Variants in RGSL1 observed in about 807,000 individuals in gnomAD.
The protein encoded by RGSL1 is regulator of G protein signaling protein-like.
In RGSL1, 97 loss-of-function variants were observed where a neutral mutation model predicts 124.7. The ratio of observed to expected loss-of-function variants is 0.78; its 90% CI spans 0.66 to 0.92. The LOEUF (loss-of-function observed/expected upper bound fraction) is 0.92. RGSL1 is among the 40% of genes least tolerant of loss of function. The pLI is 0.00. For synonymous variants in RGSL1, 424 were observed against 438.1 expected, an observed-to-expected ratio of 0.97 and a Z score of 0.40; for missense variants, 1,233 against 1,288.4, an observed-to-expected ratio of 0.96 and a Z score of 0.66.
Position 182,540,351 on chromosome 1 carries a change from A to G in RGSL1, c.2599A>G (p.Ile867Val), listed in dbSNP as rs1016585219. 5 of 1,551,272 alleles carry G rather than the reference A, an allele frequency of 3.2e-6. No individual in the cohort carries two copies. The highest frequency in any genetic ancestry group is 1.4e-5 in the African/African-American group (1 of 73,006). Residue 867 changes from isoleucine (I) to valine (V), a missense_variant, in exon 15 of 22, where the codon ATA (isoleucine) becomes GTA (valine). Transcript: ENST00000294854. Reference protein sequence around the residue: ...NGEITLVKRRIFGHRIITVNF... With the variant: ...NGEITLVKRRVFGHRIITVNF... ...AGAAATAACCCTTGTAAAGCGTCGT[A>G]TATTTGGCCACAGGATTATCACTGT...
chr1:182,474,040 A>G lies in RGSL1; in HGVS notation c.929A>G (p.Lys310Arg), dbSNP rs1469257784. The G allele has an allele frequency of 6.4e-7, 1 of 1,551,702 alleles. No homozygotes were observed. Among genetic ancestry groups the G allele is most frequent in the Non-Finnish European group, 8.7e-7 (1 of 1,147,024 alleles). The part of the protein sequence containing the change: ...SKETRISSLE[K>R]DMHYAKISSM... ...GAAACAAGAATCAGTTCCCTGGAAA[A>G]GGATATGCATTATGCAAAAATATCC... Residue 310 changes from lysine to arginine, a missense_variant, in exon 6 of 22, where the codon AAG (lysine) becomes AGG (arginine). Physicochemically the swap from Lys to Arg is conservative, Grantham distance 26. Transcript: ENST00000294854.
Position 182,545,808 on chromosome 1 carries a change from T to C in RGSL1, c.2670-2509T>C, listed in dbSNP as rs115088026. Among the ~76,000 whole-genome samples the C allele has an allele frequency of 2.8e-3, 421 of 152,288 alleles. 5 individuals carry two copies. Among genetic ancestry groups the C allele is most frequent in the African/African-American group, 9.6e-3 (400 of 41,570 alleles). ...GTTGCCAGGTGAATTGGAGCTTCTTTATATGTTATTTTCTTCTTTTTCTGC... is the reference window on the plus strand; with the variant it reads ...GTTGCCAGGTGAATTGGAGCTTCTTCATATGTTATTTTCTTCTTTTTCTGC... On this transcript the variant is annotated intron_variant, in intron 15 of 21. Coordinates refer to ENST00000294854, the MANE Select transcript of RGSL1 (RefSeq NM_001137669.2).
chr1:182,536,053 G>A (rs937553819), intron 14 of RGSL1, among the ~76,000 whole-genome samples: 20 of 152,152 alleles, frequency 1.3e-4, no homozygotes, highest in Non-Finnish European at 2.6e-4. Context: ...ATGCATGCAT[G>A]CAATAGTCTT....
intron 15 of RGSL1, among the ~76,000 whole-genome samples, chr1:182,546,270 T>G (rs1326756307): frequency 6.6e-6 from 1 of 152,244 alleles, no homozygotes; most frequent in African/African-American, 2.4e-5. Flanking sequence ...TCTACTGATT[T>G]CAATTTTTAT....
intron 14 of RGSL1, among the ~76,000 whole-genome samples, chr1:182,539,767 G>A (rs922223189): frequency 4.6e-5 from 7 of 152,096 alleles, no homozygotes; most frequent in Non-Finnish European, 8.8e-5. Flanking sequence ...TCCTTTACTC[G>A]TTAGTCTCTT....
intron 7 of RGSL1, chr1:182,488,722 T>C (rs1353056663): frequency 7.3e-6 from 2 of 272,764 alleles, no homozygotes; most frequent in Admixed American, 7.1e-5. Flanking sequence ...CGAGACTCCG[T>C]CTCAAAAAAA....
chr1:182,532,789 A>T lies in RGSL1; in HGVS notation c.2492A>T (p.Glu831Val). 6.5e-7 allele frequency: 1 copy of T among 1,550,096 alleles called. No homozygotes were observed. The highest frequency in any genetic ancestry group is 8.7e-7 in the Non-Finnish European group (1 of 1,145,922). ...YLHQEMQNSKENFTTAHNTSG... is the reference protein window; with the variant it reads ...YLHQEMQNSKVNFTTAHNTSG... ...CACCAGGAAATGCAAAATAGCAAGGAAAGTAAGTCATTTCTGTATTTACCC... is the reference window on the plus strand; with the variant it reads ...CACCAGGAAATGCAAAATAGCAAGGTAAGTAAGTCATTTCTGTATTTACCC... The change falls in exon 14 of 22, where the codon GAA (glutamate) becomes GTA (valine). Residue 831 changes from glutamate to valine, a missense_variant and splice_region_variant. Coordinates refer to ENST00000294854, the MANE Select transcript of RGSL1 (RefSeq NM_001137669.2).
At chr1:182,531,120 G>A (rs1008961187) in intron 13 of RGSL1, among the ~76,000 whole-genome samples, 1 of 152,166 alleles carries the variant, frequency 6.6e-6, no homozygotes, top group African/African-American at 2.4e-5. Flanking sequence ...AGTTCTTCTA[G>A]TTGAAAGTTA....
intron 6 of RGSL1, among the ~76,000 whole-genome samples, chr1:182,478,596 G>A (rs1654470605): frequency 6.6e-6 from 1 of 152,084 alleles, no homozygotes; most frequent in African/African-American, 2.4e-5. Flanking sequence ...AAGGACTTAT[G>A]GGACACCATC....
At chr1:182,526,430 A>G (rs1658744784) in intron 10 of RGSL1, among the ~76,000 whole-genome samples, 1 of 152,144 alleles carries the variant, frequency 6.6e-6, no homozygotes, top group Non-Finnish European at 1.5e-5. Flanking sequence ...CACTATGGGA[A>G]GCTGAGGTAG....
intron 17 of RGSL1, 86 bp downstream of exon 17, chr1:182,548,910 T>C: frequency 6.8e-7 from 1 of 1,472,934 alleles, no homozygotes; most frequent in Non-Finnish European, 9.1e-7. Flanking sequence ...TCTAGCACTC[T>C]GTTTCGTAGT....
chr1:182,540,247 A>T lies in RGSL1; in HGVS notation c.2495A>T (p.Asn832Ile). The change falls in exon 15 of 22, where the codon AAT becomes ATT. Residue 832 changes from asparagine to isoleucine, a missense_variant and splice_region_variant. Transcript: ENST00000294854. The stretch of plus-strand genomic sequence containing the variant: ...TAATTCCTTCTTCTTTCTCTCTCAG[A>T]TTTCACCACAGCACACAACACATCG... ...LHQEMQNSKE[N>I]FTTAHNTSGR... is the part of the protein sequence containing the mutation. 2.0e-6 allele frequency: 3 copies of T among 1,537,444 alleles called. No homozygotes were observed. The highest frequency in any genetic ancestry group is 2.6e-6 in the Non-Finnish European group (3 of 1,141,874).
chr1:182,546,867 A>C (rs1056494542), intron 15 of RGSL1, among the ~76,000 whole-genome samples: 1 of 152,244 alleles, frequency 6.6e-6, no homozygotes, highest in African/African-American at 2.4e-5. Context: ...ATACTTGGGA[A>C]GCAACACACC....
intron 6 of RGSL1, among the ~76,000 whole-genome samples, 194 bp downstream of exon 6, chr1:182,474,736 GC>G (rs1270436683): frequency 6.6e-6 from 1 of 152,194 alleles, no homozygotes; most frequent in Non-Finnish European, 1.5e-5. Flanking sequence ...TCAGTCCATG[GC>G]CTGTTAGGAA....
At chr1:182,508,379 A>C (rs541216354) in intron 9 of RGSL1, among the ~76,000 whole-genome samples, 3 of 134,800 alleles carry the variant, frequency 2.2e-5, no homozygotes, top group African/African-American at 8.4e-5. Context: ...GGCCCACTGC[A>C]ACCTCCGCCT....
chr1:182,504,604 T>C (rs1656674404), intron 9 of RGSL1, among the ~76,000 whole-genome samples: 1 of 151,920 alleles, frequency 6.6e-6, no homozygotes, highest in African/African-American at 2.4e-5. Context: ...CCCCAGGATT[T>C]GTTGTTCTGC....
At chr1:182,546,183 TG>T (rs1339891330) in intron 15 of RGSL1, among the ~76,000 whole-genome samples, 1 of 151,984 alleles carries the variant, frequency 6.6e-6, no homozygotes, top group Non-Finnish European at 1.5e-5. Context: ...CAGTACTATT[TG>T]TTTGTTTTGA....
At chr1:182,452,505 T>G (rs1449660100) in intron 1 of RGSL1, among the ~76,000 whole-genome samples, 1 of 151,038 alleles carries the variant, frequency 6.6e-6, no homozygotes, top group Non-Finnish European at 1.5e-5. Context: ...CAGGCTGGAG[T>G]GCAGTGGTGC....
Position 182,489,004 on chromosome 1 carries a change from A to G in RGSL1, c.1519A>G (p.Arg507Gly). The G allele has an allele frequency of 6.4e-7, 1 of 1,551,134 alleles. No homozygotes were observed. The highest frequency in any genetic ancestry group is 8.7e-7 in the Non-Finnish European group (1 of 1,146,994). ...FTTQNRFISS[R>G]QHKREFIGKE... Reference sequence around the variant, plus strand: ...GACACAGAACAGGTTCATCAGCTCCAGACAGCATAAAAGAGAATTTATAGG... The same window carrying G: ...GACACAGAACAGGTTCATCAGCTCCGGACAGCATAAAAGAGAATTTATAGG... Residue 507 changes from arginine to glycine, a missense_variant, in exon 8 of 22, where the codon AGA (arginine) becomes GGA (glycine). By Grantham distance (125) the Arg-to-Gly change is moderately radical. Coordinates refer to ENST00000294854, the MANE Select transcript of RGSL1 (RefSeq NM_001137669.2).
Sources: allele counts gnomAD v4.1 joint callset (sites outside exome capture counted in the v4.1 genomes callset), GRCh38; gene constraint gnomAD v4.1.1; transcripts MANE v1.5; gene names NCBI Gene and HGNC (gene_info 2026-07-23, HGNC 2026-07-21).